EZH2: variants seen among roughly 807,000 people sequenced by gnomAD.
The protein encoded by EZH2 is enhancer of zeste 2 polycomb repressive complex 2 subunit.
A neutral mutation model predicts 98.4 loss-of-function variants in EZH2; 18 were observed. The ratio of observed to expected loss-of-function variants is 0.18; its 90% CI spans 0.13 to 0.27. The LOEUF (loss-of-function observed/expected upper bound fraction) is 0.27, where lower values mean the gene tolerates loss of function less well. Among genes scored for constraint, EZH2 ranks in the 10% least tolerant of loss-of-function variants. EZH2 has a pLI of 1.00. For synonymous variants in EZH2, 338 were observed against 312.3 expected (o/e 1.08, Z -0.87); for missense variants, 470 against 935.1 (o/e 0.50, Z 6.49).
chr7:148,837,744 A>G (rs916934215), intron 3 of EZH2, among the ~76,000 whole-genome samples: 3 of 152,260 alleles, frequency 2.0e-5, no homozygotes, highest in Non-Finnish European at 2.9e-5. Context: ...AGAGGCAGAA[A>G]CAAAAACGGA....
chr7:148,822,550 C>G (rs1364219021), intron 8 of EZH2, among the ~76,000 whole-genome samples: 2 of 150,846 alleles, frequency 1.3e-5, no homozygotes, highest in Non-Finnish European at 3.0e-5. Context: ...GGACTTTTAC[C>G]AAATAAACTT....
intron 4 of EZH2, among the ~76,000 whole-genome samples, chr7:148,830,692 G>C (rs1288161098): frequency 2.0e-5 from 3 of 152,194 alleles, no homozygotes; most frequent in African/African-American, 7.2e-5. Flanking sequence ...GATGATAGAT[G>C]AGTTTTTATC....
intron 19 of EZH2, among the ~76,000 whole-genome samples, chr7:148,808,329 C>T (rs541786820): frequency 2.0e-5 from 3 of 152,334 alleles, no homozygotes; most frequent in African/African-American, 7.2e-5. Flanking sequence ...ACTGAGAGCT[C>T]GCTGCTGTGC....
intron 8 of EZH2, among the ~76,000 whole-genome samples, chr7:148,825,026 A>G (rs1049097080): frequency 2.0e-5 from 3 of 152,224 alleles, no homozygotes; most frequent in African/African-American, 7.2e-5. Context: ...AATGTTTAAA[A>G]GTAGTGTCCT....
At chr7:148,877,920 T>C (rs534615778) in intron 1 of EZH2, among the ~76,000 whole-genome samples, 15 of 152,312 alleles carry the variant, frequency 9.8e-5, no homozygotes, top group African/African-American at 2.9e-4. Flanking sequence ...AGATAATATG[T>C]AGTGAAACAG....
intron 1 of EZH2, among the ~76,000 whole-genome samples, chr7:148,869,100 C>A (rs944085008): frequency 6.6e-6 from 1 of 151,168 alleles, no homozygotes; most frequent in African/African-American, 2.5e-5. Flanking sequence ...AGTGCAGAGA[C>A]ACAAGCAAGA....
At chr7:148,854,344 G>A (rs553876544) in intron 1 of EZH2, among the ~76,000 whole-genome samples, 2 of 151,254 alleles carry the variant, frequency 1.3e-5, no homozygotes, top group Admixed American at 1.3e-4. Flanking sequence ...GCTGAGGCAG[G>A]AGAATGGCGT....
intron 5 of EZH2, 75 bp from the exon 6 acceptor site, chr7:148,828,955 G>A: frequency 4.2e-6 from 6 of 1,418,844 alleles, no homozygotes; most frequent in Admixed American, 2.2e-5. Flanking sequence ...TTTTCTACTT[G>A]GACAAAACAG....
At chr7:148,866,677 C>T (rs940791573) in intron 1 of EZH2, among the ~76,000 whole-genome samples, 81 of 144,250 alleles carry the variant, frequency 5.6e-4, no homozygotes, top group Non-Finnish European at 9.5e-4. Context: ...TATATATGTA[C>T]GTATATGCAT....
At chr7:148,815,605 A>C in intron 12 of EZH2, 59 bp from the exon 13 acceptor site, 2 of 1,456,582 alleles carry the variant, frequency 1.4e-6, no homozygotes, top group South Asian at 2.3e-5. Flanking sequence ...AATCCAACAG[A>C]GAGCTGCTTA....
chr7:148,882,264 C>T (rs944483867), intron 1 of EZH2, among the ~76,000 whole-genome samples: 1 of 152,122 alleles, frequency 6.6e-6, no homozygotes, highest in Admixed American at 6.6e-5. Flanking sequence ...TTAGCAGATG[C>T]ACATTAGATC....
chr7:148,826,554 A>C lies in EZH2; in HGVS notation c.807T>G (p.Ala269=). Residue 269 remains alanine, a synonymous_variant, in exon 8 of 20, where the codon GCT becomes GCG. Coordinates refer to ENST00000320356, the MANE Select transcript of EZH2 (RefSeq NM_004456.5). ...AGCTTTGCTCTCTCTGAACAGATTT[A>C]GCATTTGGTCCATCTATGTTGGGGG... ...ECTPNIDGPN[A]KSVQREQSLH... is the part of the protein sequence containing the mutation. The C allele has an allele frequency of 1.3e-6, 2 of 1,596,674 alleles. No homozygotes were observed. Among genetic ancestry groups the C allele is most frequent in the South Asian group, 2.3e-5 (2 of 88,046 alleles).
chr7:148,813,828 T>G, intron 15 of EZH2, 131 bp downstream of exon 15: 1 of 925,982 alleles, frequency 1.1e-6, no homozygotes, highest in Non-Finnish European at 1.6e-6. Context: ...TATGAACACT[T>G]TCTCATCAGT....
intron 1 of EZH2, among the ~76,000 whole-genome samples, chr7:148,866,596 CTA>C (rs1296849905): frequency 9.1e-6 from 1 of 109,998 alleles, no homozygotes; most frequent in Admixed American, 9.4e-5. Flanking sequence ...ATTGTATACA[CTA>C]TATATTATAT....
At position 148,810,403 on chromosome 7, in the gene EZH2, T is replaced by C; in HGVS notation, c.1959A>G (p.Gln653=). Reference sequence around the variant, plus strand: ...CTTTCCCTCTTCTGTCAGCTTCATCTTGAGAAATAATCTAAAAAGAAAGAC... The same window carrying C: ...CTTTCCCTCTTCTGTCAGCTTCATCCTGAGAAATAATCTAAAAAGAAAGAC... ...ISEYCGEIIS[Q]DEADRRGKVY... is the part of the protein sequence containing the mutation. The change falls in exon 17 of 20, where the codon CAA becomes CAG. Residue 653 remains glutamine, a synonymous_variant. Transcript: ENST00000320356. 1 of 1,608,774 alleles carries C rather than the reference T, an allele frequency of 6.2e-7. No homozygotes were observed. Among genetic ancestry groups the C allele is most frequent in the Non-Finnish European group, 8.5e-7 (1 of 1,175,632 alleles).
chr7:148,858,592 C>T (rs114624473), intron 1 of EZH2, among the ~76,000 whole-genome samples: 68 of 152,104 alleles, frequency 4.5e-4, no homozygotes, highest in African/African-American at 1.5e-3. Flanking sequence ...TGATGCAATC[C>T]CAACTCACTG....
chr7:148,882,652 A>C (rs879374172), intron 1 of EZH2, among the ~76,000 whole-genome samples: 1 of 152,230 alleles, frequency 6.6e-6, no homozygotes, highest in Non-Finnish European at 1.5e-5. Flanking sequence ...AACCCCTAAA[A>C]GTATAAACTA....
intron 7 of EZH2, 126 bp from the exon 8 acceptor site, chr7:148,826,758 C>CTT: frequency 1.5e-6 from 1 of 666,460 alleles, no homozygotes; most frequent in Non-Finnish European, 2.2e-6. Flanking sequence ...AGGAATGGCT[C>CTT]TATTTAGATA....
chr7:148,873,557 A>ATTTTTTTTT lies in EZH2; in HGVS notation c.-8+10598_-8+10606dup, dbSNP rs58553084. ...TTTGCAGAATCATTTCATGCTCTTC[A>ATTTTTTTTT]TTTTTTTTTTTTTTTTTTTTTTTTG... is the stretch of plus-strand genomic sequence containing the variant. On this transcript the variant is annotated intron_variant, in intron 1 of 19. Coordinates refer to ENST00000320356, the MANE Select transcript of EZH2 (RefSeq NM_004456.5). 3.1e-4 allele frequency among the ~76,000 whole-genome samples: 25 copies of ATTTTTTTTT among 79,952 alleles called. 1 individual carries two copies. Among genetic ancestry groups the ATTTTTTTTT allele is most frequent in the African/African-American group, 7.0e-4 (14 of 19,978 alleles). 52.5% of individuals were successfully genotyped at this position (79,952 alleles called of 152,430 possible). A position where few individuals can be genotyped will look rare whatever the true frequency, so the allele number is the denominator to read the frequency against.
Sources: allele counts gnomAD v4.1 joint callset (sites outside exome capture counted in the v4.1 genomes callset), GRCh38; gene constraint gnomAD v4.1.1; transcripts MANE v1.5; gene names NCBI Gene and HGNC (gene_info 2026-07-23, HGNC 2026-07-21).